The following TBCK variants were observed in gnomAD, a reference collection of about 807,000 sequenced individuals.
TBCK encodes the protein TBC1 domain containing kinase.
In TBCK, 99 loss-of-function variants were observed where a neutral mutation model predicts 113.4. The observed-to-expected ratio is 0.87, with a 90% CI of 0.74 to 1.03. The LOEUF is 1.03. Ranked by LOEUF, TBCK falls within the 50% of genes least tolerant of loss-of-function variation. The probability of loss-of-function intolerance (pLI) is 0.00; values close to 1 mark genes in which losing one functional copy is unlikely to be tolerated. For synonymous variants in TBCK, 369 were observed against 370.8 expected (o/e 1.00, Z 0.05); for missense variants, 1,045 against 1,061.3 (o/e 0.98, Z 0.21).
upstream of TBCK, chr4:106,316,676 GGA>G: frequency 7.1e-7 from 1 of 1,408,962 alleles, no homozygotes; most frequent in Non-Finnish European, 9.7e-7. Flanking sequence ...CTTGCCTCCA[GGA>G]GAGAGGACCT....
At chr4:106,168,206 A>G (rs746703107) in intron 23 of TBCK, among the ~76,000 whole-genome samples, 2 of 151,954 alleles carry the variant, frequency 1.3e-5, no homozygotes, top group African/African-American at 2.4e-5. Flanking sequence ...AAATTAATTA[A>G]TGTAATTCTT....
intron 19 of TBCK, among the ~76,000 whole-genome samples, chr4:106,214,683 C>G (rs1032707997): frequency 6.6e-6 from 1 of 152,038 alleles, no homozygotes; most frequent in Non-Finnish European, 1.5e-5. Flanking sequence ...TAAAAAGAAA[C>G]GAGCAAAGCC....
chr4:106,092,906 C>A (rs533348403), intron 25 of TBCK, among the ~76,000 whole-genome samples: 7 of 152,254 alleles, frequency 4.6e-5, no homozygotes, highest in Non-Finnish European at 4.4e-5. Context: ...CGAGGAGGTG[C>A]CAAGAGTGAG....
chr4:106,164,120 C>G (rs1750102872), intron 23 of TBCK, among the ~76,000 whole-genome samples: 1 of 152,072 alleles, frequency 6.6e-6, no homozygotes, highest in African/African-American at 2.4e-5. Flanking sequence ...CATTTTACCC[C>G]TACATGTAGC....
intron 2 of TBCK, among the ~76,000 whole-genome samples, chr4:106,295,473 A>G (rs1766200750): frequency 6.6e-6 from 1 of 152,188 alleles, no homozygotes; most frequent in East Asian, 1.9e-4. Context: ...ACACACATTG[A>G]AAGAAAGAAG....
chr4:106,316,556 T>G, upstream of TBCK: 3 of 1,551,638 alleles, frequency 1.9e-6, no homozygotes, highest in Non-Finnish European at 2.6e-6. Flanking sequence ...ACATGCTTCC[T>G]GCTGTGGCTG....
At chr4:106,197,472 T>C (rs1754400785) in intron 20 of TBCK, among the ~76,000 whole-genome samples, 1 of 134,228 alleles carries the variant, frequency 7.5e-6, no homozygotes, top group African/African-American at 2.8e-5. Context: ...ATGATCAGAG[T>C]GAAAAAATGC....
At chr4:106,280,734 C>T (rs1335043743) in intron 3 of TBCK, among the ~76,000 whole-genome samples, 2 of 152,030 alleles carry the variant, frequency 1.3e-5, no homozygotes, top group South Asian at 2.1e-4. Flanking sequence ...AAAATGAATT[C>T]ATTGTAAATG....
chr4:106,116,861 C>T (rs1456232546), intron 23 of TBCK, among the ~76,000 whole-genome samples: 1 of 151,994 alleles, frequency 6.6e-6, no homozygotes, highest in Non-Finnish European at 1.5e-5. Context: ...AGGGCTCTCA[C>T]TGATTCTAGC....
In TBCK at chr4:106,217,472, T is replaced by C. The variant is rs1024406951; in HGVS notation, c.1775-4637A>G. 1.3e-4 allele frequency among the ~76,000 whole-genome samples: 20 copies of C among 152,192 alleles called. 1 individual carries two copies. The highest frequency in any genetic ancestry group is 5.9e-4 in the Admixed American group (9 of 15,280). On this transcript the variant is annotated intron_variant, in intron 19 of 25. Transcript: ENST00000394708. ...ATGATTGTATATCTAGAAAACCCCA[T>C]TGTCTCAGCCCCAAATCTCCTTTAG...
At chr4:106,266,669 T>C (rs959870241) in intron 3 of TBCK, among the ~76,000 whole-genome samples, 2 of 151,918 alleles carry the variant, frequency 1.3e-5, no homozygotes, top group East Asian at 1.9e-4. Context: ...TGAGAGTACA[T>C]GTCAATTACA....
At chr4:106,127,236 G>T (rs1349932190) in intron 23 of TBCK, among the ~76,000 whole-genome samples, 1 of 147,568 alleles carries the variant, frequency 6.8e-6, no homozygotes, top group African/African-American at 2.5e-5. Flanking sequence ...AAAGAAGTTA[G>T]GTGAATATAA....
chr4:106,303,230 T>G (rs1313751468), intron 2 of TBCK, among the ~76,000 whole-genome samples: 2 of 152,176 alleles, frequency 1.3e-5, no homozygotes, highest in African/African-American at 4.8e-5. Context: ...AAATCAATTT[T>G]GAAAAGTCTA....
At chr4:106,118,405 T>C (rs1277035829) in intron 23 of TBCK, among the ~76,000 whole-genome samples, 1 of 152,242 alleles carries the variant, frequency 6.6e-6, no homozygotes, top group African/African-American at 2.4e-5. Flanking sequence ...TATGGGTTTA[T>C]AGCTTTTAAT....
chr4:106,052,653 G>GTGCTA (rs1255503886), intron 25 of TBCK, among the ~76,000 whole-genome samples: 2 of 151,658 alleles, frequency 1.3e-5, no homozygotes, highest in African/African-American at 4.8e-5. Context: ...TATCTAGAGT[G>GTGCTA]TGCTAACTCA....
intron 3 of TBCK, among the ~76,000 whole-genome samples, chr4:106,272,982 A>C (rs1476334008): frequency 6.6e-6 from 1 of 152,186 alleles, no homozygotes. Context: ...CTACCTACCT[A>C]CAGTAACAGT....
In TBCK at chr4:106,042,269, A is replaced by G. The variant is rs1733911874; in HGVS notation, c.*4301T>C. On this transcript the variant is annotated 3_prime_UTR_variant, in exon 26 of 26. Transcript: ENST00000394708. ...TGGGATTACTAGTTACAACTGATAG[A>G]ATGAAATATCTGCCAACCCTTTCTA... 1 of 152,238 alleles carries G rather than the reference A, an allele frequency of 6.6e-6. No homozygotes were observed. The highest frequency in any genetic ancestry group is 6.5e-5 in the Admixed American group (1 of 15,284). The allele number at this position is 152,238 out of a possible 1,614,324, so 9.4% of individuals were successfully genotyped here. A position where few individuals can be genotyped will look rare whatever the true frequency, so the allele number is the denominator to read the frequency against.
intron 3 of TBCK, among the ~76,000 whole-genome samples, chr4:106,273,487 A>T (rs1297565755): frequency 1.3e-5 from 2 of 152,212 alleles, no homozygotes; most frequent in Non-Finnish European, 2.9e-5. Flanking sequence ...GTCTGAAAGG[A>T]GGCCCCCAAA....
At chr4:106,217,893 A>G (rs1013179519) in intron 19 of TBCK, among the ~76,000 whole-genome samples, 3 of 146,246 alleles carry the variant, frequency 2.1e-5, no homozygotes, top group African/African-American at 7.4e-5. Context: ...GGAACCAAAA[A>G]AGAGCCCGCA....
Sources: allele counts gnomAD v4.1 joint callset (sites outside exome capture counted in the v4.1 genomes callset), GRCh38; gene constraint gnomAD v4.1.1; transcripts MANE v1.5; gene names NCBI Gene and HGNC (gene_info 2026-07-23, HGNC 2026-07-21).